Variants in FRMD6 observed in about 807,000 individuals in gnomAD.
FRMD6 encodes the protein FERM domain-containing protein 6.
A neutral mutation model predicts 73.2 loss-of-function variants in FRMD6; 37 were observed. That is an observed-to-expected ratio of 0.51 (90% CI 0.39 to 0.66). The LOEUF is 0.66. Ranked by LOEUF, FRMD6 falls within the 30% of genes least tolerant of loss-of-function variation. The pLI is 0.00. For missense variants in FRMD6, 714 were observed against 780.5 expected (o/e 0.91, Z 1.02); for synonymous variants, 273 against 282.2 (o/e 0.97, Z 0.33).
intron 1 of FRMD6, among the ~76,000 whole-genome samples, chr14:51,501,001 T>C (rs957683968): frequency 6.6e-6 from 1 of 152,200 alleles, no homozygotes. Context: ...TCAGGGTGGA[T>C]TGGCATTAAG....
At chr14:51,517,102 G>C (rs1286532201) in intron 1 of FRMD6, among the ~76,000 whole-genome samples, 2 of 152,170 alleles carry the variant, frequency 1.3e-5, no homozygotes, top group African/African-American at 4.8e-5. Flanking sequence ...TATACTTTAA[G>C]TGTTATTTTT....
intron 1 of FRMD6, among the ~76,000 whole-genome samples, chr14:51,666,969 TA>T (rs964634094): frequency 2.0e-5 from 3 of 152,224 alleles, no homozygotes; most frequent in Middle Eastern, 3.4e-3. Context: ...ACTCTGTCTC[TA>T]CAAAAAATAC....
At chr14:51,535,280 A>C (rs527854638) in intron 1 of FRMD6, among the ~76,000 whole-genome samples, 1 of 152,342 alleles carries the variant, frequency 6.6e-6, no homozygotes, top group Non-Finnish European at 1.5e-5. Context: ...CAGTACGTAC[A>C]ACCATCACAC....
chr14:51,668,548 T>C (rs1485925207), intron 1 of FRMD6, among the ~76,000 whole-genome samples: 9 of 152,072 alleles, frequency 5.9e-5, no homozygotes, highest in Admixed American at 5.9e-4. Context: ...TCAAGTGATC[T>C]GCCCACCTTA....
At chr14:51,499,192 A>G (rs1883465925) in intron 1 of FRMD6, among the ~76,000 whole-genome samples, 1 of 152,342 alleles carries the variant, frequency 6.6e-6, no homozygotes, top group Non-Finnish European at 1.5e-5. Flanking sequence ...CTTTTGTTCC[A>G]GAGAGGAACC....
At chr14:51,528,215 A>G (rs1226128377) in intron 1 of FRMD6, among the ~76,000 whole-genome samples, 2 of 152,180 alleles carry the variant, frequency 1.3e-5, no homozygotes, top group African/African-American at 4.8e-5. Context: ...GGTGGTTAGG[A>G]GTTGCCAATT....
the FRMD6 span, among the ~76,000 whole-genome samples, chr14:51,414,739 C>T: frequency 6.6e-6 from 1 of 152,078 alleles, no homozygotes; most frequent in Admixed American, 6.6e-5. Context: ...TATAAATTAC[C>T]TTGGGCATTA....
At chr14:51,454,690 C>G in the FRMD6 span, 1 of 152,196 alleles carries the variant, frequency 6.6e-6, no homozygotes, top group African/African-American at 2.4e-5. Flanking sequence ...TGCTTTTGTT[C>G]ACGAATTCTT....
chr14:51,476,066 G>A, the FRMD6 span, among the ~76,000 whole-genome samples: 58 of 152,176 alleles, frequency 3.8e-4, no homozygotes, highest in African/African-American at 9.9e-4. Flanking sequence ...ACTAGGAACC[G>A]TTCAACTATC....
the FRMD6 span, among the ~76,000 whole-genome samples, chr14:51,412,909 A>C: frequency 6.6e-6 from 1 of 152,144 alleles, no homozygotes; most frequent in Middle Eastern, 3.2e-3. Flanking sequence ...CAGAGTAACA[A>C]TCAGATATGC....
chr14:51,692,407 T>C (rs1895659409), intron 2 of FRMD6, among the ~76,000 whole-genome samples: 1 of 152,128 alleles, frequency 6.6e-6, no homozygotes, highest in South Asian at 2.1e-4. Flanking sequence ...ATACATAATC[T>C]AGGACATATA....
chr14:51,434,415 G>T, the FRMD6 span, among the ~76,000 whole-genome samples: 1 of 152,120 alleles, frequency 6.6e-6, no homozygotes, highest in African/African-American at 2.4e-5. Context: ...ATGCCAGAAG[G>T]TAAGGAAGTA....
At chr14:51,467,161 C>G in the FRMD6 span, among the ~76,000 whole-genome samples, 2 of 151,998 alleles carry the variant, frequency 1.3e-5, no homozygotes, top group African/African-American at 4.8e-5. Context: ...TAGGGAGTGG[C>G]GATGACTCTT....
At chr14:51,695,890 T>C (rs1765078230) in intron 2 of FRMD6, among the ~76,000 whole-genome samples, 1 of 152,294 alleles carries the variant, frequency 6.6e-6, no homozygotes, top group East Asian at 1.9e-4. Flanking sequence ...CAGTTCTGAA[T>C]TGTTTACTTT....
In FRMD6 at chr14:51,525,070, AATAGATAGATAGATAG is replaced by A. The variant is rs75865493; in HGVS notation, c.-210+35688_-210+35703del. The stretch of plus-strand genomic sequence containing the variant: ...GAGAGAGAGAGAGACAGACAAATAG[AATAGATAGATAGATAG>A]ATAGATAGATAGATAGATAGATAGA... On this transcript the variant is annotated intron_variant, in intron 1 of 14. Coordinates refer to the FRMD6 transcript ENST00000356218. Among the ~76,000 whole-genome samples, 371 of 102,000 alleles carry A rather than the reference AATAGATAGATAGATAG, an allele frequency of 3.6e-3. 3 individuals carry two copies. Among genetic ancestry groups the A allele is most frequent in the African/African-American group, 0.014 (338 of 24,930 alleles). The allele number at this position is 102,000 out of a possible 152,430, so 66.9% of individuals were successfully genotyped here.
intron 1 of FRMD6, among the ~76,000 whole-genome samples, chr14:51,557,738 G>A (rs1045239998): frequency 2.6e-5 from 4 of 152,102 alleles, no homozygotes; most frequent in Non-Finnish European, 5.9e-5. Flanking sequence ...CCATTCCCCA[G>A]TGTATTCGTA....
intron 1 of FRMD6, among the ~76,000 whole-genome samples, chr14:51,533,927 T>A (rs551075068): frequency 6.6e-6 from 1 of 152,324 alleles, no homozygotes; most frequent in South Asian, 2.1e-4. Flanking sequence ...GATCCTTTTA[T>A]CTCTTTCAAT....
chr14:51,638,338 A>T (rs919798278), intron 2 of FRMD6, among the ~76,000 whole-genome samples: 1 of 152,160 alleles, frequency 6.6e-6, no homozygotes, highest in Non-Finnish European at 1.5e-5. Flanking sequence ...GAGAGCGGAT[A>T]GCATAGTGCC....
intron 1 of FRMD6, among the ~76,000 whole-genome samples, chr14:51,544,216 C>A (rs1035849600): frequency 6.6e-5 from 10 of 151,818 alleles, no homozygotes; most frequent in Admixed American, 2.0e-4. Flanking sequence ...TATTATCCTA[C>A]CTAAATAAAG....
Sources: gnomAD v4.1 joint callset for allele counts (sites outside exome capture counted in the v4.1 genomes callset) on GRCh38, gnomAD v4.1.1 for gene constraint, MANE v1.5 for transcripts, NCBI Gene and HGNC (gene_info 2026-07-23, HGNC 2026-07-21) for gene names.